TATDN3: variants seen among roughly 807,000 people sequenced by gnomAD.
The protein encoded by TATDN3 is deoxyribonuclease TATDN3.
TATDN3 carries 29 observed loss-of-function variants against 40.1 expected under a neutral mutation model. The observed-to-expected ratio is 0.72, with a 90% CI of 0.54 to 0.99. The LOEUF is 0.99. TATDN3 is among the 50% of genes least tolerant of loss of function. TATDN3 has a pLI of 0.00. For synonymous variants in TATDN3, 105 were observed against 117.0 expected (o/e 0.90, Z 0.66); for missense variants, 309 against 321.9 (o/e 0.96, Z 0.31).
Position 212,804,394 on chromosome 1 carries a change from A to T in TATDN3, c.396A>T (p.Arg132Ser). 6.2e-7 allele frequency: 1 copy of T among 1,614,054 alleles called. No homozygotes were observed. Among genetic ancestry groups the T allele is most frequent in the Non-Finnish European group, 8.5e-7 (1 of 1,179,976 alleles). ...QKEEQRQVLI[R>S]QIQLAKRLNL... is the part of the protein sequence containing the mutation. ...AAGAGCAAAGACAAGTCCTAATCAG[A>T]CAGATCCAGTTAGCCAAAAGACTAA... Residue 132 changes from arginine (R) to serine (S), a missense_variant, in exon 6 of 10, where the codon AGA (arginine) becomes AGT (serine). Coordinates refer to ENST00000366974, the MANE Select transcript of TATDN3 (RefSeq NM_001042552.3).
chr1:212,798,536 C>CAAAAAAAAAAAACAA (rs1661960720), intron 4 of TATDN3, among the ~76,000 whole-genome samples: 1 of 91,320 alleles, frequency 1.1e-5, no homozygotes, highest in Non-Finnish European at 2.1e-5. Context: ...CTCAAAAACT[C>CAAAAAAAAAAAACAA]AAAAAAAAAA....
intron 6 of TATDN3, 25 bp downstream of exon 6, chr1:212,804,454 A>G (rs1662340726): frequency 6.3e-7 from 1 of 1,590,826 alleles, no homozygotes; most frequent in Non-Finnish European, 8.6e-7. Flanking sequence ...TTCCTATGTT[A>G]ATAGCTATAG....
chr1:212,802,708 A>C lies in TATDN3; in HGVS notation c.266A>C (p.Asp89Ala), dbSNP rs756533878. Residue 89 changes from aspartate (D) to alanine (A), a missense_variant, in exon 5 of 10, where the codon GAT (aspartate) becomes GCT (alanine). Coordinates refer to ENST00000366974, the MANE Select transcript of TATDN3 (RefSeq NM_001042552.3). ...DQRSVTLKDL[D>A]VALPIIENYK... ...TTACTTTTTTTCTCCCAGGATTTGG[A>C]TGTAGCTTTGCCCATTATTGAGAAT... The C allele has an allele frequency of 3.7e-6, 6 of 1,611,942 alleles. No homozygotes were observed. The East Asian group carries it at 1.3e-4, about 36-fold the overall frequency.
intron 1 of TATDN3, among the ~76,000 whole-genome samples, chr1:212,793,840 T>A (rs1031285214): frequency 1.3e-5 from 2 of 151,798 alleles, no homozygotes; most frequent in African/African-American, 4.8e-5. Flanking sequence ...GAGGTGGAGG[T>A]GGGGAGGTCA....
chr1:212,794,230 G>A (rs565719626), intron 1 of TATDN3, among the ~76,000 whole-genome samples: 5 of 150,752 alleles, frequency 3.3e-5, no homozygotes, highest in East Asian at 2.0e-4. Context: ...GCAGTGAGCC[G>A]AGATCGTGAC....
In TATDN3 at chr1:212,809,867, T is replaced by C. The variant is rs549868065; in HGVS notation, c.600+2019T>C. Among the ~76,000 whole-genome samples, 19 of 151,196 alleles carry C rather than the reference T, an allele frequency of 1.3e-4. No individual in the cohort carries two copies. In the East Asian group the frequency reaches 3.5e-3, roughly 28 times the overall value. ...GGTGAGACCCCTTCTCTACTAAAAA[T>C]ACAAAAATTAGCTGGGTGTGGTGGC... On this transcript the variant is annotated intron_variant, in intron 8 of 9. Coordinates refer to ENST00000366974, the MANE Select transcript of TATDN3 (RefSeq NM_001042552.3).
At chr1:212,792,704 G>C (rs1661427541) in intron 1 of TATDN3, among the ~76,000 whole-genome samples, 1 of 149,236 alleles carries the variant, frequency 6.7e-6, no homozygotes, top group African/African-American at 2.5e-5. Context: ...ACATGGCCGA[G>C]TGTGGTTGCT....
At chr1:212,799,248 G>T (rs1189100334) in intron 4 of TATDN3, among the ~76,000 whole-genome samples, 1 of 152,128 alleles carries the variant, frequency 6.6e-6, no homozygotes, top group Admixed American at 6.5e-5. Flanking sequence ...AATGTGAGAA[G>T]TACCAAGACG....
At chr1:212,797,900 C>G (rs1051996468) in intron 4 of TATDN3, among the ~76,000 whole-genome samples, 3 of 152,182 alleles carry the variant, frequency 2.0e-5, no homozygotes, top group African/African-American at 7.2e-5. Context: ...TCACACTTGT[C>G]TCCTGACTCA....
rs753620030 is a variant in TATDN3, at chr1:212,807,791, A to C, written c.543A>C (p.Glu181Asp). The change falls in exon 8 of 10, where the codon GAA becomes GAC. Residue 181 changes from glutamate (E) to aspartate (D), a missense_variant. Glu to Asp is a conservative substitution (Grantham distance 45). Transcript: ENST00000366974. ...ATGGTCGGCCATCTGTAGCCATGGA[A>C]GGAGTAAGAGCTGGGTACTTCTTCT... ...AFDGRPSVAM[E>D]GVRAGYFFSI... 6.2e-7 allele frequency: 1 copy of C among 1,614,010 alleles called. No individual in the cohort carries two copies. Among genetic ancestry groups the C allele is most frequent in the African/African-American group, 1.3e-5 (1 of 75,036 alleles).
intron 8 of TATDN3, among the ~76,000 whole-genome samples, chr1:212,808,406 A>G (rs770932445): frequency 9.2e-5 from 14 of 152,130 alleles, no homozygotes; most frequent in Non-Finnish European, 2.1e-4. Context: ...ATAGGTCATT[A>G]AAATCGTAAG....
rs192924526 is a variant in TATDN3, at chr1:212,801,093, G to A, written c.259-1608G>A. Among the ~76,000 whole-genome samples the A allele has an allele frequency of 5.9e-4, 89 of 151,956 alleles. No homozygotes were observed. The Middle Eastern group carries it at 0.014, about 23-fold the overall frequency. ...TAGTCCCAGCTACTCGAGAGGCTGA[G>A]ATGGGAGAATCACTTGAGCCCAGGA... is the stretch of plus-strand genomic sequence containing the variant. On this transcript the variant is annotated intron_variant, in intron 4 of 9. Transcript: ENST00000366974.
rs1491477454 is a variant in TATDN3, at chr1:212,806,746, CCA to C, written c.488-989_488-988del. ...ATTTATTCTCTCTCTCTCTCTCTCT[CCA>C]TATATATATATATATATATATATAT... On this transcript the variant is annotated intron_variant, in intron 7 of 9. Transcript: ENST00000366974. Among the ~76,000 whole-genome samples, 408 of 45,164 alleles carry C rather than the reference CCA, an allele frequency of 9.0e-3. 42 individuals are homozygous for C. Among genetic ancestry groups the C allele is most frequent in the South Asian group, 0.014 (18 of 1,306 alleles). 29.6% of individuals were successfully genotyped at this position (45,164 alleles called of 152,430 possible). A position where few individuals can be genotyped will look rare whatever the true frequency, so the allele number is the denominator to read the frequency against.
intron 4 of TATDN3, among the ~76,000 whole-genome samples, chr1:212,798,868 C>T (rs1220681286): frequency 6.6e-6 from 1 of 152,182 alleles, no homozygotes; most frequent in Non-Finnish European, 1.5e-5. Flanking sequence ...TCAACAATTA[C>T]ATGAGCAGGA....
At chr1:212,796,886 C>T in intron 3 of TATDN3, 2 of 502,586 alleles carry the variant, frequency 4.0e-6, no homozygotes, top group Non-Finnish European at 7.1e-6. Flanking sequence ...AAAGCATGCA[C>T]CACCAGGCCT....
intron 9 of TATDN3, among the ~76,000 whole-genome samples, chr1:212,814,811 G>T (rs1214152398): frequency 6.6e-6 from 1 of 152,022 alleles, no homozygotes; most frequent in African/African-American, 2.4e-5. Flanking sequence ...ATACCCCAGG[G>T]TTCTTTTCAG....
intron 7 of TATDN3, among the ~76,000 whole-genome samples, chr1:212,806,369 T>TC (rs138938081): frequency 0.36 from 35,726 of 98,628 alleles, 5,389 homozygotes; most frequent in Non-Finnish European, 0.43. Flanking sequence ...TCTCTCTCTC[T>TC]TTTTTTTTTT....
chr1:212,806,783 T>TATACATAC (rs796710955), intron 7 of TATDN3, among the ~76,000 whole-genome samples: 1 of 79,522 alleles, frequency 1.3e-5, no homozygotes, highest in African/African-American at 4.8e-5. Flanking sequence ...TATATATATA[T>TATACATAC]ACACACACAC....
At chr1:212,801,347 A>G (rs2102448956) in intron 4 of TATDN3, among the ~76,000 whole-genome samples, 2 of 150,464 alleles carry the variant, frequency 1.3e-5, no homozygotes, top group Middle Eastern at 7.0e-3. Context: ...AATGACAAAG[A>G]CCACACACAC....
Sources: gnomAD v4.1 joint callset for allele counts (sites outside exome capture counted in the v4.1 genomes callset) on GRCh38, gnomAD v4.1.1 for gene constraint, MANE v1.5 for transcripts, NCBI Gene and HGNC (gene_info 2026-07-23, HGNC 2026-07-21) for gene names.